SRRM1: variants seen among roughly 807,000 people sequenced by gnomAD.
SRRM1 encodes serine and arginine repetitive matrix 1.
In SRRM1, 19 loss-of-function variants were observed where a neutral mutation model predicts 110.2. The ratio of observed to expected loss-of-function variants is 0.17; its 90% CI spans 0.12 to 0.25. The LOEUF (loss-of-function observed/expected upper bound fraction) is 0.25, where lower values mean the gene tolerates loss of function less well. Among genes scored for constraint, SRRM1 ranks in the 10% least tolerant of loss-of-function variants. The probability of loss-of-function intolerance (pLI) is 1.00; values close to 1 mark genes in which losing one functional copy is unlikely to be tolerated. For synonymous variants in SRRM1, 443 were observed against 414.9 expected (o/e 1.07, Z -0.82); for missense variants, 918 against 1,145.8 (o/e 0.80, Z 2.87).
At chr1:24,661,069 G>A in intron 10 of SRRM1, 1 of 525,888 alleles carries the variant, frequency 1.9e-6, no homozygotes, top group Non-Finnish European at 3.4e-6. Context: ...GTATCTGCTT[G>A]TAAAATGCTT....
At chr1:24,659,577 C>T (rs1481592838) in intron 9 of SRRM1, among the ~76,000 whole-genome samples, 1 of 152,152 alleles carries the variant, frequency 6.6e-6, no homozygotes, top group Non-Finnish European at 1.5e-5. Flanking sequence ...TGGATAGATA[C>T]TATAAGCAGA....
At chr1:24,666,363 G>C (rs1669982085) in intron 12 of SRRM1, among the ~76,000 whole-genome samples, 1 of 152,152 alleles carries the variant, frequency 6.6e-6, no homozygotes, top group Non-Finnish European at 1.5e-5. Context: ...CCTGTAGTTT[G>C]AAAAACACTG....
chr1:24,645,908 C>T (rs1657246503), intron 1 of SRRM1, 76 bp from the exon 2 acceptor site: 1 of 1,179,126 alleles, frequency 8.5e-7, no homozygotes, highest in African/African-American at 1.5e-5. Flanking sequence ...CCTATTTTGG[C>T]TATAAAGGTC....
chr1:24,658,268 T>A (rs1254823944), intron 9 of SRRM1, among the ~76,000 whole-genome samples: 1 of 150,244 alleles, frequency 6.7e-6, no homozygotes, highest in Non-Finnish European at 1.5e-5. Flanking sequence ...TGGAGTGCAA[T>A]GGTGCAGTCT....
chr1:24,651,310 A>G, intron 5 of SRRM1, 99 bp from the exon 6 acceptor site: 1 of 905,254 alleles, frequency 1.1e-6, no homozygotes, highest in South Asian at 1.6e-5. Context: ...TCAGATATAA[A>G]CAGTAGTGTA....
rs1673259852 is a variant in SRRM1 at position 24,672,609 on chromosome 1, GGTTTTTTTGTTT to G, written c.*333_*344del. The stretch of plus-strand genomic sequence containing the variant: ...TAAATGCCCTAGCTATTCCCAGAGG[GGTTTTTTTGTTT>G]GTTTTTTTGGTTTTGATTTTCTTTT... On this transcript the variant is annotated 3_prime_UTR_variant, in exon 17 of 17. Transcript: ENST00000323848. 6.2e-6 allele frequency: 1 copy of G among 160,688 alleles called. No individual in the cohort carries two copies. The highest frequency in any genetic ancestry group is 2.0e-4 in the South Asian group (1 of 5,054). 10.0% of individuals were successfully genotyped at this position (160,688 alleles called of 1,614,324 possible). A position where few individuals can be genotyped will look rare whatever the true frequency, so the allele number is the denominator to read the frequency against.
At chr1:24,644,858 A>G (rs1656421289) in intron 1 of SRRM1, among the ~76,000 whole-genome samples, 1 of 152,208 alleles carries the variant, frequency 6.6e-6, no homozygotes, top group African/African-American at 2.4e-5. Flanking sequence ...TAAATAAAAG[A>G]GTAAGGTGAT....
At chr1:24,660,629 T>G (rs1005341495) in intron 9 of SRRM1, 90 bp from the exon 10 acceptor site, 10 of 568,028 alleles carry the variant, frequency 1.8e-5, no homozygotes, top group Non-Finnish European at 2.6e-5. Context: ...TATTTAAAAA[T>G]AATAATAAAT....
At chr1:24,660,632 T>G in intron 9 of SRRM1, 87 bp from the exon 10 acceptor site, 2 of 582,372 alleles carry the variant, frequency 3.4e-6, no homozygotes, top group South Asian at 6.5e-5. Flanking sequence ...TTAAAAATAA[T>G]AATAAATTTT....
Position 24,661,389 on chromosome 1 carries a change from T to G in SRRM1, c.1476T>G (p.Ser492=). Residue 492 remains serine, a synonymous_variant, in exon 11 of 17, where the codon TCT becomes TCG. Coordinates refer to ENST00000323848, the MANE Select transcript of SRRM1 (RefSeq NM_005839.4). The stretch of plus-strand genomic sequence containing the variant: ...AATACAGACGACAAAACCAGCAGTC[T>G]TCATCTGGTATGGATGGTGATGAAA... The part of the protein sequence containing the change: ...RRQYRRQNQQ[S]SSDSGSSSSS... 1 of 1,612,348 alleles carries G rather than the reference T, an allele frequency of 6.2e-7. No homozygotes were observed. Among genetic ancestry groups the G allele is most frequent in the South Asian group, 1.1e-5 (1 of 90,824 alleles).
At chr1:24,671,627 C>G in intron 16 of SRRM1, 32 bp downstream of exon 16, 1 of 1,534,600 alleles carries the variant, frequency 6.5e-7, no homozygotes, top group Non-Finnish European at 8.8e-7. Flanking sequence ...GGCTGTCTTG[C>G]AGTTTACGTA....
At chr1:24,654,272 A>G (rs1178361603) in intron 8 of SRRM1, 1 of 1,288,264 alleles carries the variant, frequency 7.8e-7, no homozygotes, top group African/African-American at 1.5e-5. Flanking sequence ...GCCAGTTTTT[A>G]TCTCACACTT....
Position 24,669,495 on chromosome 1 carries a change from G to A in SRRM1, c.2112G>A (p.Ala704=), listed in dbSNP as rs775985995. ...GTCCTCCACCCGTTCGAAGAGGAGC[G>A]TCGTCATCACCCCAAAGAAGGCAGT... ...SSSPPPVRRG[A]SSSPQRRQSP... The change falls in exon 14 of 17, where the codon GCG becomes GCA. Residue 704 remains alanine, a synonymous_variant. Coordinates refer to ENST00000323848, the MANE Select transcript of SRRM1 (RefSeq NM_005839.4). 8.1e-6 allele frequency: 13 copies of A among 1,612,052 alleles called. No homozygotes were observed. The highest frequency in any genetic ancestry group is 1.7e-4 in the Middle Eastern group (1 of 6,058).
In SRRM1 at chr1:24,655,152, A is replaced by G. The variant is rs1440376989; in HGVS notation, c.1315+23A>G. ...AAGGTAAAAATCAAACACATATGAA[A>G]CATGGTCTCTCTTTCTTTGGCTACA... On this transcript the variant is annotated intron_variant, in intron 9 of 16. Transcript: ENST00000323848. 3.7e-6 allele frequency: 6 copies of G among 1,609,964 alleles called. No homozygotes were observed. The South Asian group carries it at 5.5e-5, about 15-fold the overall frequency.
Position 24,671,227 on chromosome 1 carries a change from T to C in SRRM1, c.2401-159T>C, listed in dbSNP as rs540643703. ...CCTGACTTTTGAATACTTTTCTTGG[T>C]GATAATTGGCCTTGGGCCTTCCCCA... On this transcript the variant is annotated intron_variant, in intron 15 of 16. Transcript: ENST00000323848. Among the ~76,000 whole-genome samples the C allele has an allele frequency of 5.1e-4, 77 of 152,320 alleles. 3 individuals are homozygous for C. In the South Asian group the frequency reaches 0.014, roughly 27 times the overall value.
chr1:24,655,885 T>A (rs1168644586), intron 9 of SRRM1, among the ~76,000 whole-genome samples: 1 of 152,114 alleles, frequency 6.6e-6, no homozygotes, highest in South Asian at 2.1e-4. Flanking sequence ...CTAAAGCAAT[T>A]GAGTTTTAAG....
chr1:24,655,142 C>G lies in SRRM1; in HGVS notation c.1315+13C>G. 1 of 1,612,818 alleles carries G rather than the reference C, an allele frequency of 6.2e-7. No homozygotes were observed. The highest frequency in any genetic ancestry group is 8.5e-7 in the Non-Finnish European group (1 of 1,179,138). On this transcript the variant is annotated intron_variant, in intron 9 of 16. Coordinates refer to ENST00000323848, the MANE Select transcript of SRRM1 (RefSeq NM_005839.4). ...ACTTCAGGTAAAGGTAAAAATCAAA[C>G]ACATATGAAACATGGTCTCTCTTTC...
chr1:24,672,952 A>G lies in SRRM1; in HGVS notation c.*666A>G, dbSNP rs1243184325. The G allele has an allele frequency of 2.0e-5, 3 of 152,262 alleles. No individual in the cohort carries two copies. Among genetic ancestry groups the G allele is most frequent in the Non-Finnish European group, 2.9e-5 (2 of 68,008 alleles). The allele number at this position is 152,262 out of a possible 1,614,324, so 9.4% of individuals were successfully genotyped here. On this transcript the variant is annotated 3_prime_UTR_variant, in exon 17 of 17. Transcript: ENST00000323848. ...TGGAACACTGGACTCTCATTCTGTTATTCTGGTTTTGTTTTTTTTGTTTTG... is the reference window on the plus strand; with the variant it reads ...TGGAACACTGGACTCTCATTCTGTTGTTCTGGTTTTGTTTTTTTTGTTTTG...
At chr1:24,650,915 C>T (rs1202678169) in intron 5 of SRRM1, among the ~76,000 whole-genome samples, 1 of 152,050 alleles carries the variant, frequency 6.6e-6, no homozygotes, top group Non-Finnish European at 1.5e-5. Context: ...TCTCCTCTCG[C>T]AAAAAAGCTA....
Sources: gnomAD v4.1 joint callset for allele counts (sites outside exome capture counted in the v4.1 genomes callset) on GRCh38, gnomAD v4.1.1 for gene constraint, MANE v1.5 for transcripts, NCBI Gene and HGNC (gene_info 2026-07-23, HGNC 2026-07-21) for gene names.